RBL1: variants seen among roughly 807,000 people sequenced by gnomAD.
RBL1 encodes the protein RB transcriptional corepressor like 1, also known as retinoblastoma-like protein 1.
A neutral mutation model predicts 123.0 loss-of-function variants in RBL1; 82 were observed. That is an observed-to-expected ratio of 0.67 (90% CI 0.56 to 0.80). The LOEUF is 0.80. RBL1 is among the 30% of genes least tolerant of loss of function. RBL1 has a pLI of 0.00. For missense variants in RBL1, 1,171 were observed against 1,299.6 expected (o/e 0.90, Z 1.52); for synonymous variants, 405 against 441.3 (o/e 0.92, Z 1.03).
intron 11 of RBL1, among the ~76,000 whole-genome samples, chr20:37,053,867 T>G (rs1016543495): frequency 6.6e-6 from 1 of 152,004 alleles, no homozygotes; most frequent in African/African-American, 2.4e-5. Context: ...TAAAACAAAT[T>G]GAAAAGAACT....
chr20:37,044,300 A>C, intron 12 of RBL1, 50 bp from the exon 13 acceptor site: 1 of 1,572,516 alleles, frequency 6.4e-7, no homozygotes, highest in Non-Finnish European at 8.7e-7. Flanking sequence ...AGTTAGTTCT[A>C]GTCTGGACTT....
chr20:37,094,307 A>G (rs933841112), intron 1 of RBL1, among the ~76,000 whole-genome samples: 2 of 152,220 alleles, frequency 1.3e-5, no homozygotes, highest in South Asian at 4.1e-4. Flanking sequence ...GACGCCATTC[A>G]TTCTAATCTC....
chr20:37,080,462 CTT>C (rs796643116), intron 2 of RBL1, among the ~76,000 whole-genome samples: 10 of 132,636 alleles, frequency 7.5e-5, no homozygotes, highest in Admixed American at 2.3e-4. Flanking sequence ...CTCTCTCTCT[CTT>C]TTTTTTTTTT....
rs1443004477 is a variant in RBL1 at position 37,027,641 on chromosome 20, T to C, written c.2383-4815A>G. 2.0e-5 allele frequency among the ~76,000 whole-genome samples: 3 copies of C among 152,366 alleles called. No individual in the cohort carries two copies. The East Asian group carries it at 5.8e-4, about 29-fold the overall frequency. On this transcript the variant is annotated intron_variant, in intron 16 of 21. Coordinates refer to ENST00000373664, the MANE Select transcript of RBL1 (RefSeq NM_002895.5). ...CGTAAGAGATAGGACAAATTCAAGT[T>C]ATGTCTAAGGTCAACCGTTTTTAGT...
At chr20:37,022,895 C>T (rs1269110718) in intron 16 of RBL1, 69 bp from the exon 17 acceptor site, 3 of 1,252,050 alleles carry the variant, frequency 2.4e-6, no homozygotes, top group African/African-American at 3.0e-5. Context: ...TATGTCTTAC[C>T]AAGACCAAGA....
At chr20:37,051,431 T>C (rs182157233) in intron 11 of RBL1, among the ~76,000 whole-genome samples, 2 of 152,306 alleles carry the variant, frequency 1.3e-5, no homozygotes, top group South Asian at 2.1e-4. Context: ...TCCACCTGCG[T>C]TGGCCTCCCA....
chr20:37,088,703 A>AT, intron 2 of RBL1, among the ~76,000 whole-genome samples: 1 of 151,662 alleles, frequency 6.6e-6, no homozygotes, highest in South Asian at 2.1e-4. Context: ...AAAAAAAAAA[A>AT]ATACAAAAAA....
chr20:37,034,697 GAAGAA>G (rs1186269655), intron 15 of RBL1, among the ~76,000 whole-genome samples: 2 of 150,748 alleles, frequency 1.3e-5, no homozygotes, highest in African/African-American at 2.4e-5. Flanking sequence ...AATAAAAAAA[GAAGAA>G]AAGAAAAAGT....
chr20:37,029,309 C>T (rs1199221160), intron 16 of RBL1, among the ~76,000 whole-genome samples: 31 of 152,096 alleles, frequency 2.0e-4, no homozygotes, highest in Admixed American at 2.0e-3. Flanking sequence ...CTGCATTTGG[C>T]CCTGTAGAAT....
chr20:37,047,297 T>G, intron 11 of RBL1, 107 bp from the exon 12 acceptor site: 1 of 1,253,298 alleles, frequency 8.0e-7, no homozygotes, highest in Non-Finnish European at 1.1e-6. Context: ...CAAATTATAT[T>G]ACACTAGATT....
chr20:37,029,687 A>G (rs1166918993), intron 16 of RBL1, among the ~76,000 whole-genome samples: 1 of 152,200 alleles, frequency 6.6e-6, no homozygotes, highest in African/African-American at 2.4e-5. Context: ...TGGAAAACTC[A>G]AAAAACCTAA....
chr20:37,051,491 A>G (rs763582431), intron 11 of RBL1, among the ~76,000 whole-genome samples: 6 of 152,016 alleles, frequency 3.9e-5, no homozygotes, highest in Non-Finnish European at 8.8e-5. Context: ...TCTCCCACCA[A>G]TCTTGAATTC....
rs749186303 is a variant in RBL1, at chr20:37,018,308, A to G, written c.2693T>C (p.Ile898Thr). 2 of 1,611,580 alleles carry G rather than the reference A, an allele frequency of 1.2e-6. No homozygotes were observed. The highest frequency in any genetic ancestry group is 1.7e-6 in the Non-Finnish European group (2 of 1,179,198). Residue 898 changes from isoleucine (I) to threonine (T), a missense_variant, in exon 19 of 22, where the codon ATA becomes ACA. Coordinates refer to ENST00000373664, the MANE Select transcript of RBL1 (RefSeq NM_002895.5). ...PREVVAYNKNINDDFEMIDCD... is the reference protein window; with the variant it reads ...PREVVAYNKNTNDDFEMIDCD... ...ATCTATCATTTCAAAGTCATCATTTATATTTTTATTATATGCCACAACTTC... is the reference window on the plus strand; with the variant it reads ...ATCTATCATTTCAAAGTCATCATTTGTATTTTTATTATATGCCACAACTTC...
At chr20:37,053,549 GTAATAATCTTCC>G (rs2064954802) in intron 11 of RBL1, among the ~76,000 whole-genome samples, 1 of 152,124 alleles carries the variant, frequency 6.6e-6, no homozygotes, top group South Asian at 2.1e-4. Flanking sequence ...AACTGGATAA[GTAATAATCTTCC>G]TTATTTTTAT....
intron 19 of RBL1, among the ~76,000 whole-genome samples, chr20:37,012,616 C>G (rs1461150311): frequency 4.9e-5 from 7 of 143,160 alleles, no homozygotes; most frequent in Admixed American, 2.0e-4. Context: ...AGTGAGGAGC[C>G]CCTCCGCCCA....
chr20:37,061,376 T>C (rs1174664978), intron 8 of RBL1, 107 bp from the exon 9 acceptor site: 9 of 1,404,412 alleles, frequency 6.4e-6, no homozygotes, highest in East Asian at 2.4e-5. Context: ...GTAATATCCA[T>C]GAAATTTTTA....
chr20:37,026,265 C>T (rs1045692334), intron 16 of RBL1, among the ~76,000 whole-genome samples: 1 of 152,142 alleles, frequency 6.6e-6, no homozygotes, highest in Non-Finnish European at 1.5e-5. Context: ...AAATAATCCT[C>T]ATGTTTTATC....
At chr20:37,023,777 ATT>A (rs11371156) in intron 16 of RBL1, among the ~76,000 whole-genome samples, 27 of 125,492 alleles carry the variant, frequency 2.2e-4, no homozygotes, top group Admixed American at 9.2e-4. Flanking sequence ...TATTCAAACT[ATT>A]TTTTTTTTTT....
chr20:37,037,988 G>GTTTT (rs57647591), intron 14 of RBL1, among the ~76,000 whole-genome samples: 3 of 83,574 alleles, frequency 3.6e-5, no homozygotes, highest in Non-Finnish European at 6.7e-5. Flanking sequence ...CCCGGCCATT[G>GTTTT]TTTTTTTTTT....
Sources: allele counts gnomAD v4.1 joint callset (sites outside exome capture counted in the v4.1 genomes callset), GRCh38; gene constraint gnomAD v4.1.1; transcripts MANE v1.5; gene names NCBI Gene and HGNC (gene_info 2026-07-23, HGNC 2026-07-21).